Variants in PTPRN2 observed in about 807,000 individuals in gnomAD.
The protein encoded by PTPRN2 is receptor-type tyrosine-protein phosphatase N2.
A neutral mutation model predicts 118.8 loss-of-function variants in PTPRN2; 74 were observed. The ratio of observed to expected loss-of-function variants is 0.62; its 90% CI spans 0.52 to 0.76. The LOEUF is 0.76. Ranked by LOEUF, PTPRN2 falls within the 30% of genes least tolerant of loss-of-function variation. The probability of loss-of-function intolerance (pLI) is 0.00; values close to 1 mark genes in which losing one functional copy is unlikely to be tolerated. For synonymous variants in PTPRN2, 641 were observed against 608.0 expected (o/e 1.05, Z -0.80); for missense variants, 1,481 against 1,394.4 (o/e 1.06, Z -0.99).
intron 3 of PTPRN2, among the ~76,000 whole-genome samples, chr7:158,297,793 C>T (rs961504128): frequency 7.9e-5 from 12 of 152,206 alleles, no homozygotes; most frequent in African/African-American, 2.7e-4. Context: ...CACCTCTCCA[C>T]ATATATTTTG....
rs548224639 is a variant in PTPRN2 at position 158,482,739 on chromosome 7, G to A, written c.163+6996C>T. ...GTCTGCCTGTAGATGCTAAATCAGT[G>A]GTTTTTTTTATATTCACAAATGAGC... On this transcript the variant is annotated intron_variant, in intron 2 of 22. Coordinates refer to ENST00000389418, the MANE Select transcript of PTPRN2 (RefSeq NM_002847.5). Among the ~76,000 whole-genome samples the A allele has an allele frequency of 2.0e-5, 3 of 152,202 alleles. No homozygotes were observed. In the East Asian group the frequency reaches 5.8e-4, roughly 29 times the overall value.
intron 3 of PTPRN2, among the ~76,000 whole-genome samples, chr7:158,314,489 G>A (rs1030783206): frequency 2.0e-5 from 3 of 152,340 alleles, no homozygotes; most frequent in Non-Finnish European, 1.5e-5. Context: ...CCATATCTAC[G>A]TGCCCTGCCA....
chr7:158,133,888 T>C lies in PTPRN2; in HGVS notation c.1345A>G (p.Ser449Gly). 6.2e-7 allele frequency: 1 copy of C among 1,613,926 alleles called. No individual in the cohort carries two copies. The highest frequency in any genetic ancestry group is 8.5e-7 in the Non-Finnish European group (1 of 1,180,054). Residue 449 changes from serine to glycine, a missense_variant, in exon 9 of 23, where the codon AGC (serine) becomes GGC (glycine). By Grantham distance (56) the Ser-to-Gly change is moderately conservative. Around this residue, in one of 3 missense-constraint regions of PTPRN2, gnomAD observed 1,115 missense variants for 994.2 expected, o/e 1.12. Transcript: ENST00000389418. ...AGCAGATCTTTGGAATACGTCTGGCTCTTGACGTTCTCCACTCCGGCAGTC... is the reference window on the plus strand; with the variant it reads ...AGCAGATCTTTGGAATACGTCTGGCCCTTGACGTTCTCCACTCCGGCAGTC... ...EETAGVENVK[S>G]QTYSKDLLGQ...
chr7:158,493,745 G>A (rs1272201640), intron 1 of PTPRN2, among the ~76,000 whole-genome samples: 2 of 91,038 alleles, frequency 2.2e-5, no homozygotes, highest in Non-Finnish European at 4.5e-5. Context: ...ATGCACACAC[G>A]TACATGGGTA....
chr7:158,344,363 T>C (rs1487967931), intron 2 of PTPRN2, among the ~76,000 whole-genome samples: 1 of 152,148 alleles, frequency 6.6e-6, no homozygotes, highest in East Asian at 1.9e-4. Context: ...GTGGGGAGCA[T>C]TGGCCCCAGT....
chr7:157,960,884 G>A (rs1248203341), intron 11 of PTPRN2, among the ~76,000 whole-genome samples: 1 of 152,170 alleles, frequency 6.6e-6, no homozygotes, highest in Non-Finnish European at 1.5e-5. Flanking sequence ...ATGGGCGCCT[G>A]TAATCCCAGC....
chr7:157,800,123 A>G lies in PTPRN2; in HGVS notation c.1788+98550T>C, dbSNP rs184654766. Among the ~76,000 whole-genome samples the G allele has an allele frequency of 2.5e-3, 347 of 139,144 alleles. 1 individual carries two copies. The highest frequency in any genetic ancestry group is 8.7e-3 in the African/African-American group (317 of 36,418). The allele number at this position is 139,144 out of a possible 152,430, so 91.3% of individuals were successfully genotyped here. A position where few individuals can be genotyped will look rare whatever the true frequency, so the allele number is the denominator to read the frequency against. ...TGAGGCACCACAGGCGGCCTCCTCC[A>G]TCCCTCAGAGGCACCACAGGCGGCC... On this transcript the variant is annotated intron_variant, in intron 12 of 22. Transcript: ENST00000389418.
intron 4 of PTPRN2, among the ~76,000 whole-genome samples, chr7:158,202,107 A>C (rs1826688750): frequency 6.6e-6 from 1 of 152,246 alleles, no homozygotes. Flanking sequence ...ATCACACAAC[A>C]GTGTAAGCAT....
chr7:158,012,145 T>C (rs1806091082), intron 11 of PTPRN2, among the ~76,000 whole-genome samples: 1 of 152,164 alleles, frequency 6.6e-6, no homozygotes, highest in Admixed American at 6.5e-5. Flanking sequence ...GTCCCACGTG[T>C]TGGGGGCAAG....
intron 3 of PTPRN2, among the ~76,000 whole-genome samples, chr7:158,312,537 CAT>C (rs10566610): frequency 0.54 from 81,182 of 150,754 alleles, 22,274 homozygotes; most frequent in Non-Finnish European, 0.61. Flanking sequence ...CCTGCACACA[CAT>C]GTGCTCCAGT....
chr7:158,391,524 T>A (rs1029771629), intron 2 of PTPRN2, among the ~76,000 whole-genome samples: 1 of 152,184 alleles, frequency 6.6e-6, no homozygotes, highest in Non-Finnish European at 1.5e-5. Flanking sequence ...AAGGTCACCA[T>A]GAGGAGGATA....
At chr7:158,111,641 C>A (rs997990136) in intron 9 of PTPRN2, among the ~76,000 whole-genome samples, 1 of 152,186 alleles carries the variant, frequency 6.6e-6, no homozygotes, top group Admixed American at 6.5e-5. Flanking sequence ...CCCAGCAGAC[C>A]AAAACGCCTG....
rs760087297 is a variant in PTPRN2 at position 157,898,640 on chromosome 7, C to G, written c.1788+33G>C. The G allele has an allele frequency of 3.3e-6, 5 of 1,535,636 alleles. No homozygotes were observed. In the Admixed American group the frequency reaches 8.3e-5, roughly 26 times the overall value. ...CCAGCACCCAGACAGCACTGCAGAT[C>G]GCAGAGCAGACGGCACCCCTTCTGT... On this transcript the variant is annotated intron_variant, in intron 12 of 22. Transcript: ENST00000389418.
intron 11 of PTPRN2, among the ~76,000 whole-genome samples, chr7:157,907,391 T>G (rs1584994404): frequency 6.7e-6 from 1 of 150,330 alleles, no homozygotes; most frequent in Non-Finnish European, 1.5e-5. Flanking sequence ...TGGCAGTATC[T>G]CCCTGTCCCC....
intron 21 of PTPRN2, among the ~76,000 whole-genome samples, chr7:157,554,701 G>A (rs752891220): frequency 6.6e-6 from 1 of 152,202 alleles, no homozygotes; most frequent in African/African-American, 2.4e-5. Context: ...GCAAACAGTC[G>A]AGGAGTCAGC....
At chr7:158,356,654 A>T (rs1808406312) in intron 2 of PTPRN2, among the ~76,000 whole-genome samples, 1 of 152,212 alleles carries the variant, frequency 6.6e-6, no homozygotes. Context: ...TCCAGGCACC[A>T]TGCTGAGCGC....
At chr7:158,333,607 C>T (rs1448812860) in intron 2 of PTPRN2, among the ~76,000 whole-genome samples, 2 of 151,608 alleles carry the variant, frequency 1.3e-5, no homozygotes, top group Non-Finnish European at 2.9e-5. Flanking sequence ...CCCACACTCT[C>T]ACTATAAGAG....
At chr7:158,456,793 G>C (rs1818542863) in intron 2 of PTPRN2, among the ~76,000 whole-genome samples, 1 of 152,130 alleles carries the variant, frequency 6.6e-6, no homozygotes, top group African/African-American at 2.4e-5. Flanking sequence ...TTATTTAGGG[G>C]AGACGGGGTC....
intron 3 of PTPRN2, among the ~76,000 whole-genome samples, chr7:158,215,736 T>C (rs1391431601): frequency 6.6e-6 from 1 of 152,092 alleles, no homozygotes. Context: ...AAGAAAAATA[T>C]GTCAACCCAG....
Sources: gnomAD v4.1 joint callset for allele counts (sites outside exome capture counted in the v4.1 genomes callset) on GRCh38, gnomAD v4.1.1 for gene constraint, gnomAD v4.1.1 regional missense constraint, MANE v1.5 for transcripts, NCBI Gene and HGNC (gene_info 2026-07-23, HGNC 2026-07-21) for gene names.